SLC36A3: variants seen among roughly 807,000 people sequenced by gnomAD.
SLC36A3 encodes the protein solute carrier family 36 member 3.
SLC36A3 carries 35 observed loss-of-function variants against 44.3 expected under a neutral mutation model. That is an observed-to-expected ratio of 0.79 (90% confidence interval 0.60 to 1.05). The LOEUF is 1.05. Ranked by LOEUF, SLC36A3 falls within the 50% of genes least tolerant of loss-of-function variation. The pLI, the probability that SLC36A3 is intolerant of heterozygous loss-of-function variation, is 0.00. For synonymous variants in SLC36A3, 211 were observed against 227.6 expected, an observed-to-expected ratio of 0.93 and a Z score of 0.66; for missense variants, 540 against 578.7, an observed-to-expected ratio of 0.93 and a Z score of 0.69.
intron 1 of SLC36A3, among the ~76,000 whole-genome samples, chr5:151,301,898 A>G (rs1052287610): frequency 2.6e-5 from 4 of 151,884 alleles, no homozygotes; most frequent in African/African-American, 9.7e-5. Context: ...AAAATTATGC[A>G]CTCTTGTGCT....
In SLC36A3 at chr5:151,276,639, G is replaced by GT. The variant is rs918318029; in HGVS notation, c.*753dup. 1 of 152,190 alleles carries GT rather than the reference G, an allele frequency of 6.6e-6. No homozygotes were observed. Among genetic ancestry groups the GT allele is most frequent in the Non-Finnish European group, 1.5e-5 (1 of 68,030 alleles). The allele number at this position is 152,190 out of a possible 1,614,324, so 9.4% of individuals were successfully genotyped here. Reference sequence around the variant, plus strand: ...TAGTTGGATCATATGGTAGGTATATGTTTAAGTTTTAAAGAAACTACAAGA... The same window carrying GT: ...TAGTTGGATCATATGGTAGGTATATGTTTTAAGTTTTAAAGAAACTACAAGA... On this transcript the variant is annotated 3_prime_UTR_variant, in exon 10 of 10. Transcript: ENST00000335230.
intron 9 of SLC36A3, among the ~76,000 whole-genome samples, chr5:151,278,247 T>C (rs1036310099): frequency 2.6e-5 from 4 of 152,136 alleles, no homozygotes; most frequent in African/African-American, 9.7e-5. Context: ...CTTAATAGGA[T>C]CTTAGTAATG....
In SLC36A3 at chr5:151,276,554, C is replaced by T. The variant is rs1258388737; in HGVS notation, c.*839G>A. Among the ~76,000 whole-genome samples, 2 of 152,102 alleles carry T rather than the reference C, an allele frequency of 1.3e-5. No homozygotes were observed. The highest frequency in any genetic ancestry group is 2.9e-5 in the Non-Finnish European group (2 of 68,008). ...TTCTTTGCTTTTATAAGTAAAGTTA[C>T]CATGAATATTTTTGTACAAGTCTTT... is the stretch of plus-strand genomic sequence containing the variant. On this transcript the variant is annotated 3_prime_UTR_variant, in exon 10 of 10. Coordinates refer to ENST00000335230, the MANE Select transcript of SLC36A3 (RefSeq NM_181774.4).
chr5:151,284,072 T>A lies in SLC36A3; in HGVS notation c.946A>T (p.Ser316Cys), dbSNP rs182768240. The change falls in exon 8 of 10, where the codon AGC becomes TGC. Residue 316 changes from serine (S) to cysteine (C), a missense_variant. Physicochemically the swap from Ser to Cys is moderately radical, Grantham distance 112 (BLOSUM62 -1). Transcript: ENST00000335230. ...YMKFGSDTQA[S>C]ITLNLPNCWL... The stretch of plus-strand genomic sequence containing the variant: ...CAATTGGGCAAGTTGAGGGTGATGC[T>A]GGCCTGGGTGTCTGACCCAAACTTC... The A allele has an allele frequency of 2.0e-4, 321 of 1,613,320 alleles. 1 individual carries two copies. Among genetic ancestry groups the A allele is most frequent in the Admixed American group, 6.9e-4 (41 of 59,830 alleles).
At position 151,299,252 on chromosome 5, in the gene SLC36A3, CTCTCTCTCTCTCTATATA is replaced by C. The variant is rs796519422; in HGVS notation, c.129-587_129-570del. 5.6e-3 allele frequency among the ~76,000 whole-genome samples: 536 copies of C among 95,038 alleles called. 12 individuals are homozygous for C. In the East Asian group the frequency reaches 0.074, roughly 13 times the overall value. The allele number at this position is 95,038 out of a possible 152,430, so 62.3% of individuals were successfully genotyped here. On this transcript the variant is annotated intron_variant, in intron 1 of 9. Coordinates refer to ENST00000335230, the MANE Select transcript of SLC36A3 (RefSeq NM_181774.4). ...TCTCTCTCTCTCTCTCTCTCTCTCT[CTCTCTCTCTCTCTATATA>C]TATATATATATATATATATATGAAA...
rs754765288 is a variant in SLC36A3, at chr5:151,288,358, C to T, written c.489+28G>A. The T allele has an allele frequency of 3.9e-6, 6 of 1,549,052 alleles. No homozygotes were observed. In the African/African-American group the frequency reaches 4.1e-5, roughly 11 times the overall value. On this transcript the variant is annotated intron_variant, in intron 5 of 9. Transcript: ENST00000335230. ...CAGCAGCAGGAGGTCTGCTTTTCCCCCACTCTGCCCAGAAGAGGGCTCTTT... is the reference window on the plus strand; with the variant it reads ...CAGCAGCAGGAGGTCTGCTTTTCCCTCACTCTGCCCAGAAGAGGGCTCTTT...
At chr5:151,280,963 G>C (rs772612126) in intron 9 of SLC36A3, 51 bp downstream of exon 9, 2 of 1,606,728 alleles carry the variant, frequency 1.2e-6, no homozygotes, top group East Asian at 2.2e-5. Context: ...GGGCGCCAGC[G>C]TGGCTCCCTG....
At chr5:151,280,820 G>A (rs1019067416) in intron 9 of SLC36A3, among the ~76,000 whole-genome samples, 194 bp downstream of exon 9, 3 of 152,174 alleles carry the variant, frequency 2.0e-5, no homozygotes, top group East Asian at 1.9e-4. Flanking sequence ...CAGTAGAGAC[G>A]ACTATAACAT....
At chr5:151,292,024 C>A (rs545841139) in intron 4 of SLC36A3, among the ~76,000 whole-genome samples, 1 of 152,208 alleles carries the variant, frequency 6.6e-6, no homozygotes, top group Admixed American at 6.5e-5. Context: ...CCAAGCCTGG[C>A]TAATTTTCAT....
intron 6 of SLC36A3, among the ~76,000 whole-genome samples, chr5:151,285,804 TGCTAGCTTTG>T (rs1405501980): frequency 6.6e-6 from 1 of 152,194 alleles, no homozygotes. Flanking sequence ...GGCTTGAGGC[TGCTAGCTTTG>T]AAGATGGAAG....
intron 8 of SLC36A3, 29 bp downstream of exon 8, chr5:151,284,015 C>T: frequency 1.9e-6 from 3 of 1,588,222 alleles, no homozygotes; most frequent in Non-Finnish European, 2.6e-6. Flanking sequence ...GTGTCTCTCC[C>T]TATCTCACCT....
intron 8 of SLC36A3, among the ~76,000 whole-genome samples, chr5:151,283,105 C>T (rs1294164050): frequency 2.0e-5 from 3 of 152,096 alleles, no homozygotes; most frequent in Non-Finnish European, 4.4e-5. Flanking sequence ...AGGCTGGTCT[C>T]GAACTCCTGA....
At chr5:151,285,179 C>T (rs114880012) in intron 6 of SLC36A3, among the ~76,000 whole-genome samples, 1,846 of 152,320 alleles carry the variant, frequency 0.012, 20 homozygotes, top group Non-Finnish European at 0.018. Context: ...TTAGCTTTAG[C>T]GTCCTCAAGT....
At position 151,303,298 on chromosome 5, in the gene SLC36A3, A is replaced by G. The variant is rs1207417673; in HGVS notation, c.57T>C (p.Pro19=). The G allele has an allele frequency of 1.9e-6, 3 of 1,614,008 alleles. No homozygotes were observed. In the African/African-American group the frequency reaches 4.0e-5, roughly 22 times the overall value. Residue 19 remains proline (P), a synonymous_variant, in exon 1 of 10, where the codon CCT becomes CCC. Coordinates refer to ENST00000335230, the MANE Select transcript of SLC36A3 (RefSeq NM_181774.4). ...TACTGCTGCTCTCTGAGGGTGACTG[A>G]GGTCCGTTGTCCAAGGAGTTCAGCT... ...NSELNSLDNG[P]QSPSESSSSI... is the part of the protein sequence containing the mutation.
chr5:151,282,123 T>G (rs1580805468), intron 8 of SLC36A3, among the ~76,000 whole-genome samples: 2 of 141,052 alleles, frequency 1.4e-5, no homozygotes, highest in Non-Finnish European at 1.5e-5. Flanking sequence ...TTTTTTTTTT[T>G]TTTTTTTTTT....
At position 151,300,310 on chromosome 5, in the gene SLC36A3, G is replaced by C. The variant is rs547953440; in HGVS notation, c.129-1627C>G. Among the ~76,000 whole-genome samples the C allele has an allele frequency of 2.0e-5, 3 of 152,342 alleles. No individual in the cohort carries two copies. The South Asian group carries it at 6.2e-4, about 32-fold the overall frequency. On this transcript the variant is annotated intron_variant, in intron 1 of 9. Coordinates refer to ENST00000335230, the MANE Select transcript of SLC36A3 (RefSeq NM_181774.4). ...TGCATTTCAATGCTGACCTGAGAGA[G>C]GGTTGGGTTGAGAGAACAGATGAAC... is the stretch of plus-strand genomic sequence containing the variant.
In SLC36A3 at chr5:151,293,465, G is replaced by A. The variant is rs756274446; in HGVS notation, c.309-6C>T. 1.2e-5 allele frequency: 19 copies of A among 1,608,446 alleles called. No homozygotes were observed. The highest frequency in any genetic ancestry group is 1.6e-5 in the Non-Finnish European group (19 of 1,176,784). On this transcript the variant is annotated splice_region_variant and splice_polypyrimidine_tract_variant and intron_variant, in intron 3 of 9. Transcript: ENST00000335230. ...TCACAAAAGTCTTCTGCAGTCTAGG[G>A]GGAAAGAACAAACAATGCATAATTT...
At chr5:151,290,350 G>A (rs1053273807) in intron 4 of SLC36A3, among the ~76,000 whole-genome samples, 1 of 152,160 alleles carries the variant, frequency 6.6e-6, no homozygotes, top group Non-Finnish European at 1.5e-5. Flanking sequence ...AGTGTCACAT[G>A]TGACTTCAGA....
rs1243816122 is a variant in SLC36A3 at position 151,284,177 on chromosome 5, G to A, written c.841C>T (p.Gln281Ter). 4.3e-6 allele frequency: 7 copies of A among 1,612,090 alleles called. No homozygotes were observed. The African/African-American group carries it at 6.7e-5, about 15-fold the overall frequency. Residue 281 changes from glutamine (Q) to a stop codon, truncating the protein, a stop_gained, in exon 8 of 10, where the codon CAG (glutamine) becomes TAG (stop). Coordinates refer to ENST00000335230, the MANE Select transcript of SLC36A3 (RefSeq NM_181774.4). LOFTEE classifies it high-confidence loss of function. ...LPLKNQMKHP[Q>*]QFSFVLYLGM... ...AAGTACAGAACAAAAGAAAACTGCT[G>A]TGGATGCTTCATCTGGTTTTTGAGA...
Sources: gnomAD v4.1 joint callset for allele counts (sites outside exome capture counted in the v4.1 genomes callset) on GRCh38, gnomAD v4.1.1 for gene constraint, MANE v1.5 for transcripts, NCBI Gene and HGNC (gene_info 2026-07-23, HGNC 2026-07-21) for gene names.